Variants in FTO observed in about 807,000 individuals in gnomAD.
FTO encodes the protein alpha-ketoglutarate-dependent dioxygenase FTO.
FTO carries 47 observed loss-of-function variants against 63.9 expected under a neutral mutation model. The observed-to-expected ratio is 0.74, with a 90% CI of 0.58 to 0.94. The LOEUF (loss-of-function observed/expected upper bound fraction) is 0.94, where lower values mean the gene tolerates loss of function less well. Ranked by LOEUF, FTO falls within the 40% of genes least tolerant of loss-of-function variation. The pLI is 0.00. For synonymous variants in FTO, 207 were observed against 224.4 expected, an observed-to-expected ratio of 0.92 and a Z score of 0.69; for missense variants, 562 against 618.1, an observed-to-expected ratio of 0.91 and a Z score of 0.96.
At chr16:53,937,666 A>C (rs918510798) in intron 8 of FTO, 1 of 160,328 alleles carries the variant, frequency 6.2e-6, no homozygotes, top group Non-Finnish European at 1.4e-5. Context: ...GAAGAGGCCC[A>C]TCTGGCTCTC....
chr16:53,848,238 C>T (rs538421231), intron 4 of FTO, among the ~76,000 whole-genome samples: 1 of 152,238 alleles, frequency 6.6e-6, no homozygotes, highest in South Asian at 2.1e-4. Flanking sequence ...GACTTCGGCC[C>T]CGTGCTGATA....
intron 7 of FTO, among the ~76,000 whole-genome samples, chr16:53,919,106 T>G (rs1338915631): frequency 6.6e-6 from 1 of 152,194 alleles, no homozygotes; most frequent in African/African-American, 2.4e-5. Context: ...TTGGCTCTGT[T>G]GCTTACTAAT....
chr16:54,020,777 G>A (rs2084576160), intron 8 of FTO, among the ~76,000 whole-genome samples: 1 of 152,056 alleles, frequency 6.6e-6, no homozygotes, highest in South Asian at 2.1e-4. Flanking sequence ...TTCGAGTCCA[G>A]CCTGGCCAAC....
chr16:53,802,003 A>G (rs2078240823), intron 1 of FTO, among the ~76,000 whole-genome samples: 1 of 151,954 alleles, frequency 6.6e-6, no homozygotes, highest in South Asian at 2.1e-4. Flanking sequence ...CAAGTTATCC[A>G]CCCGCCCACC....
At chr16:54,004,414 A>G (rs938698496) in intron 8 of FTO, among the ~76,000 whole-genome samples, 1 of 152,068 alleles carries the variant, frequency 6.6e-6, no homozygotes, top group African/African-American at 2.4e-5. Flanking sequence ...ATAAATAAAT[A>G]AATAAATGTC....
At chr16:53,780,389 GACCAGC>G (rs1312635020) in intron 1 of FTO, among the ~76,000 whole-genome samples, 7 of 152,076 alleles carry the variant, frequency 4.6e-5, no homozygotes, top group Non-Finnish European at 8.8e-5. Flanking sequence ...TGCCTTCCCT[GACCAGC>G]TGAGCTACAG....
chr16:54,037,509 T>C (rs1433119820), intron 8 of FTO, among the ~76,000 whole-genome samples: 1 of 152,244 alleles, frequency 6.6e-6, no homozygotes, highest in African/African-American at 2.4e-5. Context: ...GTCCTAAAGC[T>C]ACTTAATAGC....
intron 8 of FTO, among the ~76,000 whole-genome samples, chr16:54,094,028 A>G (rs868275195): frequency 6.6e-6 from 1 of 152,104 alleles, no homozygotes; most frequent in Non-Finnish European, 1.5e-5. Flanking sequence ...ACAAGCAAAC[A>G]TTGGTGCTGG....
At position 53,829,033 on chromosome 16, in the gene FTO, G is replaced by C. The variant is rs185163904; in HGVS notation, c.751+2542G>C. Among the ~76,000 whole-genome samples, 3 of 152,188 alleles carry C rather than the reference G, an allele frequency of 2.0e-5. No individual in the cohort carries two copies. In the East Asian group the frequency reaches 5.8e-4, roughly 29 times the overall value. On this transcript the variant is annotated intron_variant, in intron 3 of 8. Transcript: ENST00000471389. Reference sequence around the variant, plus strand: ...AGCTTCCCGAGTAGCTGGGATTACAGGCATGCACCACTACTCCCAGCTAAT... The same window carrying C: ...AGCTTCCCGAGTAGCTGGGATTACACGCATGCACCACTACTCCCAGCTAAT...
At chr16:54,091,476 G>A (rs149348017) in intron 8 of FTO, among the ~76,000 whole-genome samples, 1 of 152,214 alleles carries the variant, frequency 6.6e-6, no homozygotes, top group Non-Finnish European at 1.5e-5. Context: ...GGAGTTCAAG[G>A]CTGCAGTGAG....
intron 8 of FTO, among the ~76,000 whole-genome samples, chr16:54,074,911 A>AGTGT (rs1374323251): frequency 2.8e-3 from 322 of 115,826 alleles, no homozygotes; most frequent in East Asian, 7.0e-3. Context: ...AGAGAGAGAG[A>AGTGT]GAGAGAGTGT....
Position 54,096,967 on chromosome 16 carries a change from A to T in FTO, c.1365-14795A>T, listed in dbSNP as rs182228633. On this transcript the variant is annotated intron_variant, in intron 8 of 8. Transcript: ENST00000471389. ...GTCAGCTGTGTTGTCCTAGGGCTGGAGGCCCCAAGATGGACTCATCTGTTA... is the reference window on the plus strand; with the variant it reads ...GTCAGCTGTGTTGTCCTAGGGCTGGTGGCCCCAAGATGGACTCATCTGTTA... 9.2e-5 allele frequency among the ~76,000 whole-genome samples: 14 copies of T among 152,310 alleles called. No individual in the cohort carries two copies. The East Asian group carries it at 2.5e-3, about 27-fold the overall frequency.
chr16:53,993,849 AT>A (rs2083871250), intron 8 of FTO: 1 of 152,228 alleles, frequency 6.6e-6, no homozygotes, highest in African/African-American at 2.4e-5. Flanking sequence ...TGTGCTTCAA[AT>A]AATTGTAGGA....
At chr16:53,867,359 G>A (rs983838099) in intron 4 of FTO, among the ~76,000 whole-genome samples, 54 of 152,120 alleles carry the variant, frequency 3.5e-4, no homozygotes, top group Non-Finnish European at 1.3e-4. Flanking sequence ...TCTACATAAA[G>A]AAAGGAAGAG....
chr16:53,913,370 G>C (rs993367791), intron 7 of FTO, among the ~76,000 whole-genome samples: 1 of 152,194 alleles, frequency 6.6e-6, no homozygotes, highest in South Asian at 2.1e-4. Context: ...GGCTCTTACA[G>C]TCAGACACAT....
chr16:53,761,075 C>T (rs975742717), intron 1 of FTO, among the ~76,000 whole-genome samples: 3 of 150,564 alleles, frequency 2.0e-5, no homozygotes, highest in East Asian at 1.9e-4. Flanking sequence ...CTTCCTTCCT[C>T]GGTTCCTTTT....
chr16:53,706,764 C>A (rs1019572255), intron 1 of FTO, among the ~76,000 whole-genome samples: 6 of 152,128 alleles, frequency 3.9e-5, no homozygotes, highest in African/African-American at 1.4e-4. Flanking sequence ...CTTTTTATCG[C>A]AAATTAGTGG....
At chr16:53,760,100 T>A (rs190432652) in intron 1 of FTO, among the ~76,000 whole-genome samples, 41 of 152,270 alleles carry the variant, frequency 2.7e-4, no homozygotes, top group Non-Finnish European at 4.7e-4. Context: ...AGTTCCTGGT[T>A]ATTGTATTCC....
At chr16:53,800,870 A>G (rs943001604) in intron 1 of FTO, among the ~76,000 whole-genome samples, 1 of 152,036 alleles carries the variant, frequency 6.6e-6, no homozygotes, top group African/African-American at 2.4e-5. Flanking sequence ...TTGCAGTAGA[A>G]TGTACATAAC....
Sources: gnomAD v4.1 joint callset for allele counts (sites outside exome capture counted in the v4.1 genomes callset) on GRCh38, gnomAD v4.1.1 for gene constraint, MANE v1.5 for transcripts, NCBI Gene and HGNC (gene_info 2026-07-23, HGNC 2026-07-21) for gene names.